KCNA6: variants seen among roughly 807,000 people sequenced by gnomAD.
KCNA6 encodes human brain potassium channel-2.
Under a neutral mutation model 29.5 loss-of-function variants are expected in KCNA6, and 17 were observed. The observed-to-expected ratio is 0.58, with a 90% CI of 0.39 to 0.86. The LOEUF (loss-of-function observed/expected upper bound fraction) is 0.86. Ranked by LOEUF, KCNA6 falls within the 40% of genes least tolerant of loss-of-function variation. The probability of loss-of-function intolerance (pLI) is 0.00; values close to 1 mark genes in which losing one functional copy is unlikely to be tolerated. For missense variants in KCNA6, 450 were observed against 703.4 expected, an observed-to-expected ratio of 0.64 and a Z score of 4.07; for synonymous variants, 296 against 304.7, an observed-to-expected ratio of 0.97 and a Z score of 0.30.
At chr12:4,822,167 GT>G in the KCNA6 span, among the ~76,000 whole-genome samples, 1 of 152,078 alleles carries the variant, frequency 6.6e-6, no homozygotes, top group Non-Finnish European at 1.5e-5. Context: ...CCCTAGCCAT[GT>G]TTTTTCATAG....
chr12:4,817,220 C>G (rs532230889), downstream of KCNA6, among the ~76,000 whole-genome samples: 8 of 152,316 alleles, frequency 5.3e-5, no homozygotes, highest in South Asian at 1.7e-3. Context: ...AGGAGTTCCT[C>G]TCTCCATCCC....
chr12:4,814,390 C>G (rs897290319), downstream of KCNA6: 85 of 167,060 alleles, frequency 5.1e-4, no homozygotes, highest in African/African-American at 1.9e-3. The surrounding 1 kb of genome is among the most constrained non-coding windows in gnomAD (Gnocchi z 4.6). Context: ...CCCAGCTCCA[C>G]GAGAGGCGGA....
At chr12:4,818,136 C>T (rs371352440), downstream of KCNA6, among the ~76,000 whole-genome samples, 5 of 152,134 alleles carry the variant, frequency 3.3e-5, no homozygotes, top group East Asian at 7.7e-4. Flanking sequence ...CCACTGGAAG[C>T]GTGGCACCTG....
chr12:4,831,268 T>C, the KCNA6 span, among the ~76,000 whole-genome samples: 2 of 152,158 alleles, frequency 1.3e-5, no homozygotes, highest in East Asian at 3.9e-4. Flanking sequence ...AGCGGCTGGC[T>C]TGGTGGATCT....
chr12:4,825,053 A>C, the KCNA6 span, among the ~76,000 whole-genome samples: 1 of 152,204 alleles, frequency 6.6e-6, no homozygotes, highest in African/African-American at 2.4e-5. Flanking sequence ...AGAATCCATA[A>C]TATAGACTCC....
At chr12:4,814,724 G>GA (rs1647195214), downstream of KCNA6, 1 of 167,168 alleles carries the variant, frequency 6.0e-6, no homozygotes, top group African/African-American at 2.4e-5. This position sits in a 1 kb window ranked among gnomAD's most constrained non-coding sequence, Gnocchi z 4.6. Flanking sequence ...CTCAGCCTGA[G>GA]ATGCGGGATA....
exon 1 of KCNA6, chr12:4,809,838 C>G: frequency 1.8e-6 from 1 of 541,732 alleles, no homozygotes; most frequent in South Asian, 3.7e-5. Flanking sequence ...TCCCCAGCGC[C>G]CAGGTCACCT....
chr12:4,841,559 T>TA, the KCNA6 span, among the ~76,000 whole-genome samples: 2 of 152,234 alleles, frequency 1.3e-5, no homozygotes, highest in Non-Finnish European at 2.9e-5. Flanking sequence ...GTAACGTATT[T>TA]AAAGATCATG....
At chr12:4,850,684 C>T in the KCNA6 span, 3 of 390,288 alleles carry the variant, frequency 7.7e-6, 1 homozygote, top group South Asian at 5.6e-5. This position sits in a 1 kb window ranked among gnomAD's most constrained non-coding sequence, Gnocchi z 5.4. Context: ...CCTCATGCGA[C>T]ACAACCTCAT....
chr12:4,843,143 G>C, the KCNA6 span, among the ~76,000 whole-genome samples: 1 of 151,790 alleles, frequency 6.6e-6, no homozygotes, highest in East Asian at 1.9e-4. Flanking sequence ...ATATGATTTG[G>C]GTGGAGGGCA....
chr12:4,815,829 G>T (rs1465411978), downstream of KCNA6, among the ~76,000 whole-genome samples: 2 of 152,188 alleles, frequency 1.3e-5, no homozygotes, highest in Non-Finnish European at 1.5e-5. Flanking sequence ...AGAATTGATG[G>T]TCTCCTTGCT....
Position 4,811,802 on chromosome 12 carries a change from C to T in KCNA6, c.*171C>T. ...TGGACTATCAACCTTGTTGCTTAAT[C>T]CCTGCAGCATTCAAGGTTAATCCAT... On this transcript the variant is annotated 3_prime_UTR_variant, in exon 1 of 1. Coordinates refer to ENST00000280684, the Ensembl canonical transcript of KCNA6. The surrounding 1 kb of genome is among the most constrained non-coding windows in gnomAD (Gnocchi z 7.1). 2.7e-6 allele frequency: 2 copies of T among 735,448 alleles called. No individual in the cohort carries two copies. The highest frequency in any genetic ancestry group is 4.5e-6 in the Non-Finnish European group (2 of 447,046). 45.6% of individuals were successfully genotyped at this position (735,448 alleles called of 1,614,324 possible). A position where few individuals can be genotyped will look rare whatever the true frequency, so the allele number is the denominator to read the frequency against.
chr12:4,829,916 C>G, the KCNA6 span, among the ~76,000 whole-genome samples: 3 of 152,114 alleles, frequency 2.0e-5, no homozygotes, highest in Non-Finnish European at 4.4e-5. Flanking sequence ...CTGAATTGCC[C>G]GAGGCTGCAC....
chr12:4,819,470 C>T, the KCNA6 span, among the ~76,000 whole-genome samples: 1 of 152,174 alleles, frequency 6.6e-6, no homozygotes, highest in Non-Finnish European at 1.5e-5. Context: ...GTGGGGGTAC[C>T]CCTTAATCTC....
At chr12:4,822,389 A>T in the KCNA6 span, among the ~76,000 whole-genome samples, 1 of 152,160 alleles carries the variant, frequency 6.6e-6, no homozygotes, top group Non-Finnish European at 1.5e-5. Context: ...AGCAGGTCAG[A>T]TGGAGATGTG....
the KCNA6 span, among the ~76,000 whole-genome samples, chr12:4,841,230 C>T: frequency 2.6e-5 from 4 of 152,170 alleles, no homozygotes; most frequent in East Asian, 7.7e-4. Context: ...TGAGCATTCT[C>T]ATGGTGGCCC....
chr12:4,842,369 TCTTCAGCCTTGGAGCCA>T, the KCNA6 span, among the ~76,000 whole-genome samples: 1 of 152,244 alleles, frequency 6.6e-6, no homozygotes, highest in Admixed American at 6.5e-5. Flanking sequence ...AGGAGTTTTA[TCTTCAGCCTTGGAGCCA>T]CAGGATGAAT....
downstream of KCNA6, among the ~76,000 whole-genome samples, chr12:4,816,723 A>G (rs1946686143): frequency 6.6e-6 from 1 of 152,104 alleles, no homozygotes; most frequent in African/African-American, 2.4e-5. Flanking sequence ...CAGTCCCTCT[A>G]CAGTCGTTAT....
chr12:4,842,755 T>C, the KCNA6 span: 19,785 of 152,124 alleles, frequency 0.13, 1,486 homozygotes, highest in African/African-American at 0.2. Context: ...GCCCCCAACA[T>C]TGGGGATTAC....
Sources: allele counts gnomAD v4.1 joint callset (sites outside exome capture counted in the v4.1 genomes callset), GRCh38; gene constraint gnomAD v4.1.1; non-coding constraint Gnocchi (gnomAD v3.1); transcripts MANE v1.5; gene names NCBI Gene and HGNC (gene_info 2026-07-23, HGNC 2026-07-21).